The following SLC2A9 variants were observed in gnomAD, a reference collection of about 807,000 sequenced individuals.
SLC2A9 encodes the protein solute carrier family 2 member 9.
A neutral mutation model predicts 50.6 loss-of-function variants in SLC2A9; 39 were observed. That is an observed-to-expected ratio of 0.77 (90% CI 0.60 to 1.01). The LOEUF is 1.01. Ranked by LOEUF, SLC2A9 falls within the 50% of genes least tolerant of loss-of-function variation. SLC2A9 has a pLI of 0.00. For synonymous variants in SLC2A9, 324 were observed against 276.9 expected, an observed-to-expected ratio of 1.17 and a Z score of -1.69; for missense variants, 686 against 677.6, an observed-to-expected ratio of 1.01 and a Z score of -0.14.
chr4:9,917,860 C>G (rs1216709767), intron 7 of SLC2A9, among the ~76,000 whole-genome samples: 1 of 152,104 alleles, frequency 6.6e-6, no homozygotes, highest in Non-Finnish European at 1.5e-5. Flanking sequence ...GCTGAATAGC[C>G]TAGGCACACA....
chr4:9,830,088 C>T (rs1417631718), intron 11 of SLC2A9, among the ~76,000 whole-genome samples: 1 of 152,184 alleles, frequency 6.6e-6, no homozygotes, highest in Non-Finnish European at 1.5e-5. Context: ...GCACTATTCA[C>T]AACAGCAAAG....
At chr4:9,777,793 G>A (rs1339806087), downstream of SLC2A9, among the ~76,000 whole-genome samples, 1 of 152,204 alleles carries the variant, frequency 6.6e-6, no homozygotes, top group Non-Finnish European at 1.5e-5. Flanking sequence ...GGTCATAACG[G>A]CTGCACTAGG....
chr4:10,014,875 A>C (rs965661785), intron 2 of SLC2A9, among the ~76,000 whole-genome samples: 13 of 152,372 alleles, frequency 8.5e-5, no homozygotes, highest in Middle Eastern at 3.4e-3. Context: ...AAGCAGCACA[A>C]GTAAACATAA....
chr4:9,998,544 T>G (rs1759161769), intron 2 of SLC2A9, among the ~76,000 whole-genome samples: 1 of 152,190 alleles, frequency 6.6e-6, no homozygotes, highest in Non-Finnish European at 1.5e-5. Flanking sequence ...TGTTGTCTGC[T>G]GGTAGGAGTT....
intron 1 of SLC2A9, chr4:10,035,093 G>A (rs975153372): frequency 6.6e-6 from 1 of 152,288 alleles, no homozygotes; most frequent in African/African-American, 2.4e-5. Context: ...ACCCTTTCTG[G>A]TTTTGTCGAG....
At chr4:9,820,152 T>C (rs188413999) in intron 3 of SLC2A9, among the ~76,000 whole-genome samples, 1 of 152,358 alleles carries the variant, frequency 6.6e-6, no homozygotes, top group Non-Finnish European at 1.5e-5. Flanking sequence ...TTTGAATTCA[T>C]TTTGAATTCA....
At chr4:10,014,028 G>T (rs1762203969) in intron 2 of SLC2A9, among the ~76,000 whole-genome samples, 1 of 152,070 alleles carries the variant, frequency 6.6e-6, no homozygotes, top group South Asian at 2.1e-4. Flanking sequence ...TGTTCCAAGG[G>T]TTTCTTTCTC....
chr4:9,833,003 C>A (rs1364231660), intron 11 of SLC2A9, among the ~76,000 whole-genome samples: 2 of 152,174 alleles, frequency 1.3e-5, no homozygotes, highest in Non-Finnish European at 2.9e-5. Context: ...GGTGCTGGAA[C>A]TTCTCTACTT....
At chr4:9,880,114 C>A (rs905821840) in intron 10 of SLC2A9, 6 of 985,268 alleles carry the variant, frequency 6.1e-6, no homozygotes, top group African/African-American at 1.7e-5. Context: ...CCGGGTGGCT[C>A]CCCTGGGGAC....
intron 10 of SLC2A9, among the ~76,000 whole-genome samples, chr4:9,851,066 C>A (rs1243217430): frequency 2.0e-5 from 3 of 152,118 alleles, no homozygotes; most frequent in African/African-American, 4.8e-5. Flanking sequence ...CTGCTGGTGC[C>A]CCACCCCAGG....
intron 4 of SLC2A9, among the ~76,000 whole-genome samples, chr4:9,985,092 T>G (rs1025951291): frequency 6.6e-6 from 1 of 152,134 alleles, no homozygotes; most frequent in African/African-American, 2.4e-5. Flanking sequence ...CTTCCCTGAT[T>G]GGCCTTTCTA....
chr4:9,784,979 A>C (rs1257642226), intron 3 of SLC2A9, among the ~76,000 whole-genome samples: 2 of 152,218 alleles, frequency 1.3e-5, no homozygotes, highest in Non-Finnish European at 2.9e-5. Context: ...TATTTCTGGA[A>C]CAGTGAGATT....
rs370286824 is a variant in SLC2A9 at position 10,039,019 on chromosome 4, G to A, written c.-41+1111C>T. Among the ~76,000 whole-genome samples, 12 of 152,382 alleles carry A rather than the reference G, an allele frequency of 7.9e-5. No individual in the cohort carries two copies. The East Asian group carries it at 1.5e-3, about 20-fold the overall frequency. ...AGCCGTAGACAATGGTTAAACAGATGTGCATGATTGTGTTCCAGTAAAGCT... is the reference window on the plus strand; with the variant it reads ...AGCCGTAGACAATGGTTAAACAGATATGCATGATTGTGTTCCAGTAAAGCT... On this transcript the variant is annotated intron_variant, in intron 1 of 12. Coordinates refer to the SLC2A9 transcript ENST00000309065.
chr4:9,959,911 G>A lies in SLC2A9; in HGVS notation c.682-17866C>T, dbSNP rs116577327. Among the ~76,000 whole-genome samples the A allele has an allele frequency of 3.9e-3, 593 of 152,264 alleles. 7 individuals are homozygous for A. Among genetic ancestry groups the A allele is most frequent in the African/African-American group, 0.013 (557 of 41,550 alleles). ...AGGGGCTGAGTCACATTCAGGGTCCGACTTGACTGCTAGATGAATTTGGTG... is the reference window on the plus strand; with the variant it reads ...AGGGGCTGAGTCACATTCAGGGTCCAACTTGACTGCTAGATGAATTTGGTG... On this transcript the variant is annotated intron_variant, in intron 5 of 11. Transcript: ENST00000264784.
chr4:9,996,833 C>A lies in SLC2A9; in HGVS notation c.358G>T (p.Gly120Cys). 1.9e-6 allele frequency: 3 copies of A among 1,614,176 alleles called. No individual in the cohort carries two copies. The highest frequency in any genetic ancestry group is 2.5e-6 in the Non-Finnish European group (3 of 1,180,012). ...ACAATTAACGTCCCCACAAGTCCAC[C>A]GATGGCGAATATGGACACAGTCACA... ...WSVTVSIFAI[G>C]GLVGTLIVKM... The change falls in exon 3 of 12, where the codon GGT becomes TGT. Residue 120 changes from glycine to cysteine, a missense_variant. Gly to Cys is a radical substitution (Grantham distance 159). Transcript: ENST00000264784.
chr4:9,961,189 T>C (rs979288281), intron 5 of SLC2A9, among the ~76,000 whole-genome samples: 1 of 152,122 alleles, frequency 6.6e-6, no homozygotes, highest in Admixed American at 6.5e-5. Context: ...GCTATGCCCC[T>C]TCCCACAGAG....
chr4:10,035,871 C>T (rs1238195388), intron 1 of SLC2A9: 1 of 152,776 alleles, frequency 6.5e-6, no homozygotes, highest in African/African-American at 2.4e-5. Context: ...ACTCCGAGCT[C>T]CCTGACCTTT....
intron 4 of SLC2A9, among the ~76,000 whole-genome samples, chr4:9,981,004 C>T (rs796778115): frequency 6.8e-4 from 103 of 151,282 alleles, no homozygotes; most frequent in African/African-American, 2.3e-3. Context: ...GTGATAATGA[C>T]GGTGATGGTG....
rs144549945 is a variant in SLC2A9, at chr4:9,919,214, G to T, written c.1002+1171C>A. On this transcript the variant is annotated intron_variant, in intron 7 of 11. Transcript: ENST00000264784. ...GGCAAAACCTCGGTCTCGTCAACAG[G>T]AAGAGACAACAGGACTCTCCCAGGA... Among the ~76,000 whole-genome samples the T allele has an allele frequency of 2.6e-3, 393 of 152,254 alleles. 6 individuals carry two copies. The highest frequency in any genetic ancestry group is 9.2e-3 in the African/African-American group (384 of 41,532).
Sources: allele counts gnomAD v4.1 joint callset (sites outside exome capture counted in the v4.1 genomes callset), GRCh38; gene constraint gnomAD v4.1.1; transcripts MANE v1.5; gene names NCBI Gene and HGNC (gene_info 2026-07-23, HGNC 2026-07-21).